ESYT2: variants seen among roughly 807,000 people sequenced by gnomAD.
ESYT2 encodes extended synaptotagmin-2.
In ESYT2, 54 loss-of-function variants were observed where a neutral mutation model predicts 107.2. The observed-to-expected ratio is 0.50, with a 90% CI of 0.40 to 0.63. The LOEUF (loss-of-function observed/expected upper bound fraction) is 0.63. ESYT2 is among the 30% of genes least tolerant of loss of function. The pLI is 0.00. For synonymous variants in ESYT2, 491 were observed against 434.1 expected (o/e 1.13, Z -1.63); for missense variants, 1,020 against 1,094.5 (o/e 0.93, Z 0.96).
At chr7:158,765,380 T>G (rs1190458864) in intron 8 of ESYT2, among the ~76,000 whole-genome samples, 1 of 152,212 alleles carries the variant, frequency 6.6e-6, no homozygotes, top group African/African-American at 2.4e-5. Flanking sequence ...ATCCTGTCAT[T>G]AAACTTATTT....
At chr7:158,823,409 C>T (rs1213670862) in intron 1 of ESYT2, among the ~76,000 whole-genome samples, 1 of 148,354 alleles carries the variant, frequency 6.7e-6, no homozygotes, top group Non-Finnish European at 1.5e-5. Context: ...TCACTGCAAG[C>T]TCCGCCTCCC....
intron 9 of ESYT2, 37 bp downstream of exon 9, chr7:158,764,640 C>G: frequency 6.2e-7 from 1 of 1,604,004 alleles, no homozygotes; most frequent in African/African-American, 1.3e-5. Context: ...AGGGCTCAGC[C>G]CACCACCCCA....
intron 10 of ESYT2, among the ~76,000 whole-genome samples, chr7:158,762,573 CAAT>C (rs1838009082): frequency 1.3e-5 from 2 of 152,188 alleles, no homozygotes; most frequent in South Asian, 2.1e-4. Flanking sequence ...GGTGGTCAAA[CAAT>C]AACCATTTTA....
At chr7:158,738,314 A>G (rs1837041861) in intron 19 of ESYT2, among the ~76,000 whole-genome samples, 1 of 106,572 alleles carries the variant, frequency 9.4e-6, no homozygotes. Context: ...TCTGTCTCCA[A>G]AAAAAAAAAA....
intron 17 of ESYT2, among the ~76,000 whole-genome samples, chr7:158,742,650 T>C (rs1184512129): frequency 1.3e-5 from 2 of 152,202 alleles, no homozygotes; most frequent in East Asian, 1.9e-4. Flanking sequence ...CTCCCAGTTG[T>C]GTGAGCACAT....
At chr7:158,737,529 C>T (rs1334475831) in intron 19 of ESYT2, among the ~76,000 whole-genome samples, 1 of 152,146 alleles carries the variant, frequency 6.6e-6, no homozygotes. Flanking sequence ...CAGGCCCCCA[C>T]CCCACAGTGC....
intron 21 of ESYT2, among the ~76,000 whole-genome samples, chr7:158,734,902 T>A (rs999177610): frequency 6.6e-6 from 1 of 152,262 alleles, no homozygotes; most frequent in Non-Finnish European, 1.5e-5. Context: ...CTCCCTTTTC[T>A]GAAGGCTCTT....
In ESYT2 at chr7:158,787,993, T is replaced by C. The variant is rs1259367905; in HGVS notation, c.747+11A>G. ...AATGGGAAAATAAAAATGAAATAAA[T>C]ATTGACTTACTGGTTTCCTAAGGAA... is the stretch of plus-strand genomic sequence containing the variant. On this transcript the variant is annotated intron_variant, in intron 6 of 22. Transcript: ENST00000275418. 6.2e-7 allele frequency: 1 copy of C among 1,603,328 alleles called. No individual in the cohort carries two copies. The highest frequency in any genetic ancestry group is 1.3e-5 in the African/African-American group (1 of 74,784).
chr7:158,755,737 G>T (rs576181859), intron 13 of ESYT2, among the ~76,000 whole-genome samples: 13 of 152,280 alleles, frequency 8.5e-5, no homozygotes, highest in Admixed American at 2.0e-4. Flanking sequence ...CTATCGCTGT[G>T]ACTCTGAACA....
intron 1 of ESYT2, among the ~76,000 whole-genome samples, chr7:158,818,853 C>T (rs13232063): frequency 0.11 from 16,601 of 152,252 alleles, 948 homozygotes; most frequent in African/African-American, 0.13. Flanking sequence ...GTGGGCTCTG[C>T]GAGACGGTGG....
intron 19 of ESYT2, 72 bp from the exon 20 acceptor site, chr7:158,737,251 G>C: frequency 6.6e-7 from 1 of 1,509,110 alleles, no homozygotes; most frequent in Non-Finnish European, 9.0e-7. Context: ...ATTCAGATAT[G>C]CTTTATCAAG....
rs1314666767 is a variant in ESYT2, at chr7:158,741,631, G to C, written c.2060C>G (p.Ala687Gly). 1 of 1,613,370 alleles carries C rather than the reference G, an allele frequency of 6.2e-7. No homozygotes were observed. Among genetic ancestry groups the C allele is most frequent in the Non-Finnish European group, 8.5e-7 (1 of 1,180,006 alleles). Residue 687 changes from alanine to glycine, a missense_variant, in exon 18 of 23, where the codon GCC becomes GGC. Ala to Gly is a moderately conservative substitution (Grantham distance 60). Transcript: ENST00000275418. Reference protein sequence around the residue: ...DLGRSSSSLLASPGHISVKEP... With the variant: ...DLGRSSSSLLGSPGHISVKEP... ...CTTGACTGAGATGTGGCCTGGGGAG[G>C]CCAGGAGGCTGGAGGAGCTTCTGCC... is the stretch of plus-strand genomic sequence containing the variant.
At position 158,788,405 on chromosome 7, in the gene ESYT2, A is replaced by G. The variant is rs139069067; in HGVS notation, c.597T>C (p.Asn199=). The G allele has an allele frequency of 1.2e-6, 2 of 1,611,384 alleles. No homozygotes were observed. Among genetic ancestry groups the G allele is most frequent in the Non-Finnish European group, 1.7e-6 (2 of 1,179,140 alleles). The stretch of plus-strand genomic sequence containing the variant: ...GTTTGATCTCCAAATCAATCTCACA[A>G]TTTCCTACAAAACTAACAAAAAATT... The part of the protein sequence containing the change: ...ILDLQISFVG[N]CEIDLEIKRY... Residue 199 remains asparagine (N), a synonymous_variant, in exon 5 of 23, where the codon AAT becomes AAC. Coordinates refer to ENST00000275418, the MANE Select transcript of ESYT2 (RefSeq NM_001367773.1).
At chr7:158,764,009 C>T (rs572876674) in intron 9 of ESYT2, among the ~76,000 whole-genome samples, 1 of 152,232 alleles carries the variant, frequency 6.6e-6, no homozygotes, top group South Asian at 2.1e-4. Flanking sequence ...TACGTCAGTC[C>T]TTTAAAAACT....
At chr7:158,768,983 T>C (rs1441085086) in intron 7 of ESYT2, among the ~76,000 whole-genome samples, 1 of 152,226 alleles carries the variant, frequency 6.6e-6, no homozygotes, top group Non-Finnish European at 1.5e-5. Flanking sequence ...TTCGTTGCTG[T>C]ATAACACCTT....
intron 6 of ESYT2, among the ~76,000 whole-genome samples, chr7:158,782,098 C>T (rs182553568): frequency 5.5e-5 from 8 of 146,054 alleles, no homozygotes; most frequent in Admixed American, 4.1e-4. Flanking sequence ...TGTGAGTGAA[C>T]GACAACAAAG....
rs1382398452 is a variant in ESYT2, at chr7:158,829,459, T to C, written c.-41A>G. ...CGCTGCCCTCCCGGCCGAGGCGGGC[T>C]GGGTGCTCGCGCTGATCCCGGGCGG... On this transcript the variant is annotated 5_prime_UTR_variant, in exon 1 of 23. Transcript: ENST00000275418. 52 of 1,201,088 alleles carry C rather than the reference T, an allele frequency of 4.3e-5. No individual in the cohort carries two copies. Among genetic ancestry groups the C allele is most frequent in the Non-Finnish European group, 5.2e-5 (50 of 970,114 alleles). The allele number at this position is 1,201,088 out of a possible 1,614,324, so 74.4% of individuals were successfully genotyped here. A position where few individuals can be genotyped will look rare whatever the true frequency, so the allele number is the denominator to read the frequency against.
intron 6 of ESYT2, among the ~76,000 whole-genome samples, chr7:158,774,643 C>T (rs1838485032): frequency 6.6e-6 from 1 of 152,166 alleles, no homozygotes; most frequent in African/African-American, 2.4e-5. Flanking sequence ...ACAAAAATAC[C>T]TGTCATGAGG....
chr7:158,758,250 A>G (rs528217445), intron 13 of ESYT2, among the ~76,000 whole-genome samples: 6 of 152,370 alleles, frequency 3.9e-5, no homozygotes, highest in Non-Finnish European at 8.8e-5. Flanking sequence ...ATTGTAGGTA[A>G]CTTTAAATAA....
Sources: allele counts gnomAD v4.1 joint callset (sites outside exome capture counted in the v4.1 genomes callset), GRCh38; gene constraint gnomAD v4.1.1; transcripts MANE v1.5; gene names NCBI Gene and HGNC (gene_info 2026-07-23, HGNC 2026-07-21).